Variants in ASH1L observed in about 807,000 individuals in gnomAD.
ASH1L encodes histone-lysine N-methyltransferase ASH1L.
A neutral mutation model predicts 269.0 loss-of-function variants in ASH1L; 23 were observed. The observed-to-expected ratio is 0.09, with a 90% CI of 0.06 to 0.12. ASH1L has a LOEUF of 0.12. ASH1L is among the 10% of genes least tolerant of loss of function. The pLI is 1.00. For synonymous variants in ASH1L, 1,187 were observed against 1,253.5 expected (o/e 0.95, Z 1.12); for missense variants, 2,912 against 3,567.8 (o/e 0.82, Z 4.68).
At chr1:155,498,975 A>G (rs565454353) in intron 2 of ASH1L, among the ~76,000 whole-genome samples, 47 of 152,074 alleles carry the variant, frequency 3.1e-4, no homozygotes, top group South Asian at 1.0e-3. Context: ...ATATAGGTCA[A>G]GAATGCATTT....
chr1:155,517,794 T>A (rs1222815334), intron 2 of ASH1L, among the ~76,000 whole-genome samples: 1 of 63,618 alleles, frequency 1.6e-5, no homozygotes, highest in African/African-American at 6.8e-5. Context: ...CAATAATTTC[T>A]TTTTTTTTTT....
intron 2 of ASH1L, among the ~76,000 whole-genome samples, chr1:155,518,195 G>A (rs558457037): frequency 5.3e-5 from 8 of 152,240 alleles, no homozygotes; most frequent in African/African-American, 1.9e-4. Context: ...TCATGTAAAG[G>A]AATGAAGCTG....
At chr1:155,426,830 C>G (rs1252289232) in intron 5 of ASH1L, among the ~76,000 whole-genome samples, 1 of 152,148 alleles carries the variant, frequency 6.6e-6, no homozygotes. Context: ...TCGCAAATCT[C>G]AAATCTGTGT....
chr1:155,488,600 C>T (rs1243618396), intron 2 of ASH1L, among the ~76,000 whole-genome samples: 3 of 116,580 alleles, frequency 2.6e-5, no homozygotes, highest in South Asian at 3.1e-4. Context: ...ACCCAGGAGG[C>T]GGAGGATGCA....
At chr1:155,544,875 A>G (rs879616429) in intron 1 of ASH1L, among the ~76,000 whole-genome samples, 40 of 152,046 alleles carry the variant, frequency 2.6e-4, no homozygotes, top group Admixed American at 2.0e-4. Context: ...GGAGGTGTGA[A>G]TAAAAACAAA....
Position 155,347,861 on chromosome 1 carries a change from C to T in ASH1L, c.7598G>A (p.Arg2533His), listed in dbSNP as rs138122556. The change falls in exon 20 of 28, where the codon CGT becomes CAT. Residue 2533 changes from arginine (R) to histidine (H), a missense_variant. Coordinates refer to ENST00000392403, the MANE Select transcript of ASH1L (RefSeq NM_018489.3). ...RKSPVGRDVC[R>H]LRKAYYNARH... ...GGCATTGTAATAGGCCTTTCGTAGACGACAAACATCTCTCCCAACTGGGGA... is the reference window on the plus strand; with the variant it reads ...GGCATTGTAATAGGCCTTTCGTAGATGACAAACATCTCTCCCAACTGGGGA... 1.6e-4 allele frequency: 256 copies of T among 1,614,086 alleles called. No homozygotes were observed. Among genetic ancestry groups the T allele is most frequent in the Non-Finnish European group, 2.0e-4 (237 of 1,180,054 alleles).
intron 1 of ASH1L, among the ~76,000 whole-genome samples, chr1:155,559,807 G>T (rs1181706335): frequency 6.6e-6 from 1 of 152,070 alleles, no homozygotes; most frequent in Non-Finnish European, 1.5e-5. Flanking sequence ...CTCCTGCATA[G>T]GATTAACTCA....
chr1:155,396,091 T>C (rs1328946596), intron 6 of ASH1L: 1 of 152,126 alleles, frequency 6.6e-6, no homozygotes, highest in East Asian at 1.9e-4. Flanking sequence ...TATTCTATAT[T>C]ATTCTCTTGC....
rs199835574 is a variant in ASH1L, at chr1:155,342,059, A to G, written c.8337T>C (p.Asp2779=). The change falls in exon 25 of 28, where the codon GAT becomes GAC. Residue 2779 remains aspartate, a synonymous_variant. Coordinates refer to ENST00000392403, the MANE Select transcript of ASH1L (RefSeq NM_018489.3). ...GGTGTGCTGACTTGTCAAGCCGATAATCACAGATGTACACATCTTGCTCCT... is the reference window on the plus strand; with the variant it reads ...GGTGTGCTGACTTGTCAAGCCGATAGTCACAGATGTACACATCTTGCTCCT... ...GVKEQDVYIC[D]YRLDKSAHLF... is the part of the protein sequence containing the mutation. 15 of 1,614,182 alleles carry G rather than the reference A, an allele frequency of 9.3e-6. No homozygotes were observed. Among genetic ancestry groups the G allele is most frequent in the Middle Eastern group, 1.6e-4 (1 of 6,062 alleles).
chr1:155,370,711 C>T (rs1655870948), intron 11 of ASH1L, 61 bp from the exon 12 acceptor site: 9 of 1,611,606 alleles, frequency 5.6e-6, no homozygotes, highest in Non-Finnish European at 7.6e-6. Flanking sequence ...AATTTCACAT[C>T]TTCCATTCTC....
chr1:155,392,955 T>G (rs1658060691), intron 7 of ASH1L, among the ~76,000 whole-genome samples: 1 of 152,092 alleles, frequency 6.6e-6, no homozygotes, highest in South Asian at 2.1e-4. Context: ...CCCAAAGTGC[T>G]GGGATTACAA....
chr1:155,535,668 T>A (rs1161183991), intron 1 of ASH1L, among the ~76,000 whole-genome samples: 1 of 148,824 alleles, frequency 6.7e-6, no homozygotes, highest in African/African-American at 2.5e-5. Flanking sequence ...AAAAAAAGTA[T>A]AAATTAGCGA....
rs746695647 is a variant in ASH1L at position 155,480,308 on chromosome 1, C to T, written c.2562G>A (p.Val854=). 17 of 1,613,954 alleles carry T rather than the reference C, an allele frequency of 1.1e-5. No individual in the cohort carries two copies. Among genetic ancestry groups the T allele is most frequent in the South Asian group, 6.6e-5 (6 of 91,074 alleles). Residue 854 remains valine (V), a synonymous_variant, in exon 3 of 28, where the codon GTG becomes GTA. Coordinates refer to ENST00000392403, the MANE Select transcript of ASH1L (RefSeq NM_018489.3). ...GTTCTTCCTTAGACTGTAAAGAAAA[C>T]ACTTTAGAAGCAGGGATTTTTAAAG... ...KRTLKIPASK[V]FSLQSKEEQE... is the part of the protein sequence containing the mutation.
intron 5 of ASH1L, among the ~76,000 whole-genome samples, chr1:155,419,933 CAAT>C (rs1446530311): frequency 6.6e-6 from 1 of 152,100 alleles, no homozygotes; most frequent in Non-Finnish European, 1.5e-5. Context: ...AAATACACAA[CAAT>C]GTTGCAGAAT....
chr1:155,530,251 A>G (rs984339259), intron 1 of ASH1L, among the ~76,000 whole-genome samples: 1 of 152,098 alleles, frequency 6.6e-6, no homozygotes, highest in Non-Finnish European at 1.5e-5. Context: ...GGTGTACTAT[A>G]TATTTGTTGT....
chr1:155,446,135 C>G (rs1402359111), intron 4 of ASH1L, among the ~76,000 whole-genome samples: 5 of 150,514 alleles, frequency 3.3e-5, no homozygotes, highest in Non-Finnish European at 7.4e-5. Flanking sequence ...CCATCTGCCT[C>G]GGCCTCCCAA....
At chr1:155,384,685 C>T (rs180796725) in intron 7 of ASH1L, among the ~76,000 whole-genome samples, 4 of 152,072 alleles carry the variant, frequency 2.6e-5, no homozygotes, top group Admixed American at 2.6e-4. Flanking sequence ...CAACCTATCT[C>T]GCCCAGCCTA....
rs780080645 is a variant in ASH1L, at chr1:155,378,322, A to G, written c.6291T>C (p.Asp2097=). 2.5e-6 allele frequency: 4 copies of G among 1,614,076 alleles called. No homozygotes were observed. The Admixed American group carries it at 5.0e-5, about 20-fold the overall frequency. Residue 2097 remains aspartate (D), a synonymous_variant, in exon 10 of 28, where the codon GAT becomes GAC. Transcript: ENST00000392403. The stretch of plus-strand genomic sequence containing the variant: ...CAACACAGCCCTTCCTGGTGTCATC[A>G]TCTGGCTTCTTACAGTTACAGGTGG... ...EATTCNCKKP[D]DDTRKGCVDD...
In ASH1L at chr1:155,478,953, C is replaced by T. The variant is rs758885213; in HGVS notation, c.3917G>A (p.Arg1306Gln). 1.2e-6 allele frequency: 2 copies of T among 1,613,544 alleles called. No homozygotes were observed. Among genetic ancestry groups the T allele is most frequent in the South Asian group, 2.2e-5 (2 of 91,040 alleles). Residue 1306 changes from arginine (R) to glutamine (Q), a missense_variant, in exon 3 of 28, where the codon CGA becomes CAA. This residue lies in a region of ASH1L where 789 missense variants were observed against 897.6 expected (regional missense o/e 0.88). Transcript: ENST00000392403. This position sits in a 1 kb window ranked among gnomAD's most constrained non-coding sequence, Gnocchi z 4.6. ...ATCTCGGGGGATAAAATGATGACTT[C>T]GATGAGTGATCCGAATTTCACTTAG... ...SRLSEIRITH[R>Q]SHHFIPRDLL...
Sources: gnomAD v4.1 joint callset for allele counts (sites outside exome capture counted in the v4.1 genomes callset) on GRCh38, gnomAD v4.1.1 for gene constraint, gnomAD v4.1.1 regional missense constraint, Gnocchi (gnomAD v3.1) non-coding constraint, MANE v1.5 for transcripts, NCBI Gene and HGNC (gene_info 2026-07-23, HGNC 2026-07-21) for gene names.